Variants in TUSC2 observed in about 807,000 individuals in gnomAD.
The protein encoded by TUSC2 is tumor suppressor candidate 2.
TUSC2 carries 7 observed loss-of-function variants against 11.5 expected under a neutral mutation model. That is an observed-to-expected ratio of 0.61 (90% CI 0.35 to 1.14). The LOEUF is 1.14. TUSC2 is among the 50% of genes most tolerant of loss of function. TUSC2 has a pLI of 0.03. For missense variants in TUSC2, 132 were observed against 155.0 expected, an observed-to-expected ratio of 0.85 and a Z score of 0.79; for synonymous variants, 61 against 64.1, an observed-to-expected ratio of 0.95 and a Z score of 0.23.
At chr3:50,327,332 C>T in intron 1 of TUSC2, 1 of 438,692 alleles carries the variant, frequency 2.3e-6, no homozygotes, top group South Asian at 1.6e-5. Context: ...AGCCAAATCT[C>T]TAGCACAGGG....
Position 50,325,779 on chromosome 3 carries a change from C to T in TUSC2, c.*342G>A. ...GCTGTAGCCTCTAGCAGGGCTAGGC[C>T]CCAGGCAAACTTGGAAGAAAGCAGA... On this transcript the variant is annotated 3_prime_UTR_variant, in exon 3 of 3. Transcript: ENST00000232496. The surrounding 1 kb of genome is among the most constrained non-coding windows in gnomAD (Gnocchi z 5.1). The T allele has an allele frequency of 2.7e-6, 1 of 375,792 alleles. No homozygotes were observed. The highest frequency in any genetic ancestry group is 5.0e-6 in the Non-Finnish European group (1 of 201,212). The allele number at this position is 375,792 out of a possible 1,614,324, so 23.3% of individuals were successfully genotyped here. A position where few individuals can be genotyped will look rare whatever the true frequency, so the allele number is the denominator to read the frequency against.
rs1553717354 is a variant in TUSC2, at chr3:50,326,108, C to T, written c.*13G>A. On this transcript the variant is annotated 3_prime_UTR_variant, in exon 3 of 3. Coordinates refer to ENST00000232496, the MANE Select transcript of TUSC2 (RefSeq NM_007275.3). ...CCGGGGCAGGGGGTGCTTCTGTCTG[C>T]CACCTCCCAGGGTCACACCTCATAG... 6.3e-7 allele frequency: 1 copy of T among 1,575,984 alleles called. No homozygotes were observed. The highest frequency in any genetic ancestry group is 1.9e-5 in the Admixed American group (1 of 53,522).
At chr3:50,327,849 T>C (rs1575535667) in intron 1 of TUSC2, 105 bp downstream of exon 1, 1 of 1,334,104 alleles carries the variant, frequency 7.5e-7, no homozygotes, top group African/African-American at 1.5e-5. Context: ...ATGGGGGTCG[T>C]CCTGGCTTGG....
chr3:50,326,806 C>T (rs1340078594), intron 1 of TUSC2, among the ~76,000 whole-genome samples: 3 of 152,088 alleles, frequency 2.0e-5, no homozygotes, highest in East Asian at 1.9e-4. Context: ...TTAGTAGAGA[C>T]GGGGTTTTGC....
rs932744058 is a variant in TUSC2 at position 50,328,220 on chromosome 3, G to T, written c.-121C>A. ...CGCCGCCGCCGCCTTCCGCAGGCTC[G>T]GCTGTCTCCACGGAAACCTCACTTC... is the stretch of plus-strand genomic sequence containing the variant. On this transcript the variant is annotated 5_prime_UTR_variant, in exon 1 of 3. Coordinates refer to ENST00000232496, the MANE Select transcript of TUSC2 (RefSeq NM_007275.3). 6 of 1,196,252 alleles carry T rather than the reference G, an allele frequency of 5.0e-6. No homozygotes were observed. The Admixed American group carries it at 1.2e-4, about 25-fold the overall frequency. 74.1% of individuals were successfully genotyped at this position (1,196,252 alleles called of 1,614,324 possible).
At position 50,328,149 on chromosome 3, in the gene TUSC2, G is replaced by A; in HGVS notation, c.-50C>T. The stretch of plus-strand genomic sequence containing the variant: ...GCCCCGTGGCCGCTCTGCTCACACC[G>A]CAGTCCGCACTACCATAACCTGCCC... On this transcript the variant is annotated 5_prime_UTR_variant, in exon 1 of 3. Transcript: ENST00000232496. 4 of 1,341,920 alleles carry A rather than the reference G, an allele frequency of 3.0e-6. No homozygotes were observed. The highest frequency in any genetic ancestry group is 3.8e-6 in the Non-Finnish European group (4 of 1,048,146). The allele number at this position is 1,341,920 out of a possible 1,614,324, so 83.1% of individuals were successfully genotyped here.
At chr3:50,327,870 G>A in intron 1 of TUSC2, 84 bp downstream of exon 1, 1 of 1,372,866 alleles carries the variant, frequency 7.3e-7, no homozygotes. Context: ...CTGTAGTGGG[G>A]TACAGCGGTG....
chr3:50,327,939 A>C lies in TUSC2; in HGVS notation c.146+15T>G. 1 of 1,497,864 alleles carries C rather than the reference A, an allele frequency of 6.7e-7. No homozygotes were observed. 92.8% of individuals were successfully genotyped at this position (1,497,864 alleles called of 1,614,324 possible). On this transcript the variant is annotated intron_variant, in intron 1 of 2. Coordinates refer to ENST00000232496, the MANE Select transcript of TUSC2 (RefSeq NM_007275.3). ...CCGCCTGTTCCCCCCGCCAGGGTGG[A>C]ACCCATGCCCTTACCCGCGGCGCGT... is the stretch of plus-strand genomic sequence containing the variant.
chr3:50,327,191 C>T (rs1285802481), intron 1 of TUSC2: 3 of 456,590 alleles, frequency 6.6e-6, no homozygotes, highest in Non-Finnish European at 1.3e-5. Context: ...TGCTGCTGGC[C>T]CAGTGTCAAA....
At position 50,325,917 on chromosome 3, in the gene TUSC2, C is replaced by G. The variant is rs1274173814; in HGVS notation, c.*204G>C. On this transcript the variant is annotated 3_prime_UTR_variant, in exon 3 of 3. Transcript: ENST00000232496. This position sits in a 1 kb window ranked among gnomAD's most constrained non-coding sequence, Gnocchi z 5.1. ...TAACTCTGCCATTAGCCTTCACCAC[C>G]CACCAACCACCTCTTGTCCACACAC... 19 of 653,378 alleles carry G rather than the reference C, an allele frequency of 2.9e-5. No individual in the cohort carries two copies. Among genetic ancestry groups the G allele is most frequent in the Non-Finnish European group, 4.8e-5 (18 of 377,718 alleles). The allele number at this position is 653,378 out of a possible 1,614,324, so 40.5% of individuals were successfully genotyped here.
At chr3:50,327,930 C>G in intron 1 of TUSC2, 24 bp downstream of exon 1, 1 of 1,445,942 alleles carries the variant, frequency 6.9e-7, no homozygotes, top group Non-Finnish European at 9.1e-7. Flanking sequence ...GTTCCCCCCG[C>G]CAGGGTGGAA....
Position 50,326,011 on chromosome 3 carries a change from T to G in TUSC2, c.*110A>C. ...CTGAAGGTTATGGGCCAACAGAGTT[T>G]ATTCAGGGTTGTGGCCCCAGCCTGG... On this transcript the variant is annotated 3_prime_UTR_variant, in exon 3 of 3. Coordinates refer to ENST00000232496, the MANE Select transcript of TUSC2 (RefSeq NM_007275.3). 7.5e-7 allele frequency: 1 copy of G among 1,331,196 alleles called. No individual in the cohort carries two copies. The highest frequency in any genetic ancestry group is 1.3e-5 in the South Asian group (1 of 77,084). 82.5% of individuals were successfully genotyped at this position (1,331,196 alleles called of 1,614,324 possible).
chr3:50,326,334 G>C, intron 2 of TUSC2, 23 bp downstream of exon 2: 1 of 1,613,846 alleles, frequency 6.2e-7, no homozygotes, highest in Non-Finnish European at 8.5e-7. Context: ...TGTAGGCTCT[G>C]TGACCGCTGC....
At chr3:50,327,826 T>G in intron 1 of TUSC2, 128 bp downstream of exon 1, 62 of 1,292,618 alleles carry the variant, frequency 4.8e-5, no homozygotes, top group African/African-American at 7.8e-5. Flanking sequence ...CCAGCTCCAA[T>G]GAGGCTCAAA....
In TUSC2 at chr3:50,327,976, G is replaced by A. The variant is rs1384620071; in HGVS notation, c.124C>T (p.Pro42Ser). 1.9e-6 allele frequency: 3 copies of A among 1,542,640 alleles called. No individual in the cohort carries two copies. Among genetic ancestry groups the A allele is most frequent in the Non-Finnish European group, 1.7e-6 (2 of 1,147,726 alleles). Residue 42 changes from proline to serine, a missense_variant, in exon 1 of 3, where the codon CCC (proline) becomes TCC (serine). Around this residue, in one of 3 missense-constraint regions of TUSC2, gnomAD observed 50 missense variants for 27.9 expected, o/e 1.79. Coordinates refer to ENST00000232496, the MANE Select transcript of TUSC2 (RefSeq NM_007275.3). ...TACCCGCGGCGCGTGAATACGAAGG[G>A]GGGCACAGCTCGGCCCCGAGGCCGC... is the stretch of plus-strand genomic sequence containing the variant. Reference protein sequence around the residue: ...LVRPRGRAVPPFVFTRRGSMF... With the variant: ...LVRPRGRAVPSFVFTRRGSMF...
rs782022791 is a variant in TUSC2, at chr3:50,326,096, T to C, written c.*25A>G. On this transcript the variant is annotated 3_prime_UTR_variant, in exon 3 of 3. Transcript: ENST00000232496. ...GGGAGTTTCTTGCCGGGGCAGGGGG[T>C]GCTTCTGTCTGCCACCTCCCAGGGT... 3.2e-6 allele frequency: 5 copies of C among 1,565,002 alleles called. No homozygotes were observed. The highest frequency in any genetic ancestry group is 4.3e-6 in the Non-Finnish European group (5 of 1,154,606).
chr3:50,325,125 G>T lies in TUSC2; in HGVS notation c.*996C>A, dbSNP rs1702769672. 1 of 151,948 alleles carries T rather than the reference G, an allele frequency of 6.6e-6. No individual in the cohort carries two copies. Among genetic ancestry groups the T allele is most frequent in the South Asian group, 2.1e-4 (1 of 4,794 alleles). 9.4% of individuals were successfully genotyped at this position (151,948 alleles called of 1,614,324 possible). A position where few individuals can be genotyped will look rare whatever the true frequency, so the allele number is the denominator to read the frequency against. The stretch of plus-strand genomic sequence containing the variant: ...TCACATTATAAGTATTCCTTTTATG[G>T]TTTTTCCCTCCTTTCTTTCCCTACC... On this transcript the variant is annotated 3_prime_UTR_variant, in exon 3 of 3. Coordinates refer to ENST00000232496, the MANE Select transcript of TUSC2 (RefSeq NM_007275.3). The surrounding 1 kb of genome is among the most constrained non-coding windows in gnomAD (Gnocchi z 5.1).
In TUSC2 at chr3:50,327,957, C is replaced by T. The variant is rs1702810796; in HGVS notation, c.143G>A (p.Arg48His). 1 of 1,535,050 alleles carries T rather than the reference C, an allele frequency of 6.5e-7. No individual in the cohort carries two copies. Among genetic ancestry groups the T allele is most frequent in the Non-Finnish European group, 8.7e-7 (1 of 1,144,028 alleles). ...RAVPPFVFTR[R>H]GSMFYDEDGD... ...AGGGTGGAACCCATGCCCTTACCCG[C>T]GGCGCGTGAATACGAAGGGGGGCAC... is the stretch of plus-strand genomic sequence containing the variant. The change falls in exon 1 of 3, where the codon CGC (arginine) becomes CAC (histidine). Residue 48 changes from arginine to histidine, a missense_variant. Transcript: ENST00000232496.
At position 50,328,023 on chromosome 3, in the gene TUSC2, G is replaced by A; in HGVS notation, c.77C>T (p.Ala26Val). 1.3e-6 allele frequency: 2 copies of A among 1,518,322 alleles called. No individual in the cohort carries two copies. Among genetic ancestry groups the A allele is most frequent in the Non-Finnish European group, 8.8e-7 (1 of 1,134,816 alleles). 94.1% of individuals were successfully genotyped at this position (1,518,322 alleles called of 1,614,324 possible). The change falls in exon 1 of 3, where the codon GCA becomes GTA. Residue 26 changes from alanine (A) to valine (V), a missense_variant. Physicochemically the swap from Ala to Val is moderately conservative, Grantham distance 64. Coordinates refer to ENST00000232496, the MANE Select transcript of TUSC2 (RefSeq NM_007275.3). ...SAAGGGGSEA[A>V]GAEQALVRPR... ...CCGCACCAAAGCTTGCTCAGCTCCT[G>A]CTGCCTCTGAGCCGCCGCCTCCGGC...
Sources: gnomAD v4.1 joint callset for allele counts (sites outside exome capture counted in the v4.1 genomes callset) on GRCh38, gnomAD v4.1.1 for gene constraint, gnomAD v4.1.1 regional missense constraint, Gnocchi (gnomAD v3.1) non-coding constraint, MANE v1.5 for transcripts, NCBI Gene and HGNC (gene_info 2026-07-23, HGNC 2026-07-21) for gene names.